Variants in MTA3 observed in about 807,000 individuals in gnomAD.
MTA3 encodes metastasis associated 1 family member 3, also known as metastasis-associated protein MTA3.
MTA3 carries 34 observed loss-of-function variants against 83.5 expected under a neutral mutation model. The ratio of observed to expected loss-of-function variants is 0.41; its 90% confidence interval spans 0.31 to 0.54. The LOEUF (loss-of-function observed/expected upper bound fraction) is 0.54, where lower values mean the gene tolerates loss of function less well. Among genes scored for constraint, MTA3 ranks in the 20% least tolerant of loss-of-function variants. MTA3 has a pLI of 0.33. For synonymous variants in MTA3, 303 were observed against 252.7 expected (o/e 1.20, Z -1.89); for missense variants, 761 against 726.4 (o/e 1.05, Z -0.55).
intron 2 of MTA3, among the ~76,000 whole-genome samples, chr2:42,514,713 A>C (rs1263226631): frequency 9.7e-5 from 3 of 30,988 alleles, no homozygotes; most frequent in African/African-American, 4.6e-4. Flanking sequence ...TTTTTGAGAC[A>C]GGGTCTCACT....
chr2:42,752,405 C>A, intron 16 of MTA3: 1 of 378,078 alleles, frequency 2.6e-6, no homozygotes, highest in South Asian at 1.9e-5. Flanking sequence ...ACCCCACTTC[C>A]CTCCTAGCCA....
intron 2 of MTA3, among the ~76,000 whole-genome samples, chr2:42,503,514 T>A (rs1260474162): frequency 1.3e-5 from 2 of 152,204 alleles, no homozygotes; most frequent in African/African-American, 2.4e-5. Flanking sequence ...TCCTATTTAT[T>A]CAAGATGGAG....
intron 2 of MTA3, among the ~76,000 whole-genome samples, chr2:42,560,632 C>T (rs946276330): frequency 2.6e-5 from 4 of 151,040 alleles, no homozygotes; most frequent in African/African-American, 9.8e-5. Context: ...GGGCGTGGCA[C>T]GGTGGCTCAC....
chr2:42,499,857 G>A (rs1364341843), intron 2 of MTA3, among the ~76,000 whole-genome samples: 1 of 151,910 alleles, frequency 6.6e-6, no homozygotes, highest in Admixed American at 6.6e-5. Context: ...TGTGATGACA[G>A]TTTCAAAAGT....
chr2:42,522,490 T>G (rs938060835), intron 2 of MTA3, among the ~76,000 whole-genome samples: 1 of 152,128 alleles, frequency 6.6e-6, no homozygotes, highest in African/African-American at 2.4e-5. Flanking sequence ...GACACACGCT[T>G]CTGGCTTAGG....
Position 42,753,770 on chromosome 2 carries a change from C to T in MTA3, c.*371C>T. ...GCTGCAAGCTCAGAGCCGCTGCCAC[C>T]CTGCATGTGTCCGCTCAGCTCGGTC... On this transcript the variant is annotated 3_prime_UTR_variant, in exon 17 of 17. Transcript: ENST00000405094. 1 of 1,129,300 alleles carries T rather than the reference C, an allele frequency of 8.9e-7. No homozygotes were observed. Among genetic ancestry groups the T allele is most frequent in the Non-Finnish European group, 1.1e-6 (1 of 915,268 alleles). The allele number at this position is 1,129,300 out of a possible 1,614,324, so 70.0% of individuals were successfully genotyped here. A position where few individuals can be genotyped will look rare whatever the true frequency, so the allele number is the denominator to read the frequency against.
At chr2:42,715,105 T>G (rs879241439) in intron 14 of MTA3, among the ~76,000 whole-genome samples, 1 of 152,192 alleles carries the variant, frequency 6.6e-6, no homozygotes, top group Admixed American at 6.5e-5. Context: ...TTGCTTTCAT[T>G]ATCTGTGACT....
Position 42,754,547 on chromosome 2 carries a change from C to A in MTA3, c.*1148C>A. On this transcript the variant is annotated 3_prime_UTR_variant, in exon 17 of 17. Coordinates refer to ENST00000405094, the MANE Select transcript of MTA3 (RefSeq NM_001330442.2). The stretch of plus-strand genomic sequence containing the variant: ...TGAGTAGCTGTGCTACTTGTGCTGG[C>A]AGCTGCAAGGATAGGAATAGCTCAG... The A allele has an allele frequency of 1.0e-6, 1 of 985,450 alleles. No individual in the cohort carries two copies. Among genetic ancestry groups the A allele is most frequent in the Non-Finnish European group, 1.2e-6 (1 of 829,956 alleles). The allele number at this position is 985,450 out of a possible 1,614,324, so 61.0% of individuals were successfully genotyped here.
intron 16 of MTA3, among the ~76,000 whole-genome samples, chr2:42,739,522 C>T (rs1036721839): frequency 1.3e-5 from 2 of 150,964 alleles, no homozygotes; most frequent in Admixed American, 6.6e-5. Flanking sequence ...GGTCTTGCCT[C>T]AATGTTGATG....
At chr2:42,508,828 T>C (rs1198980043) in intron 2 of MTA3, among the ~76,000 whole-genome samples, 1 of 146,746 alleles carries the variant, frequency 6.8e-6, no homozygotes, top group Non-Finnish European at 1.5e-5. Context: ...ATATATATGA[T>C]ATATAATATT....
intron 3 of MTA3, among the ~76,000 whole-genome samples, chr2:42,603,996 G>A (rs773834347): frequency 3.3e-5 from 5 of 152,206 alleles, no homozygotes; most frequent in Non-Finnish European, 5.9e-5. Context: ...TGATCCGCCT[G>A]CCTCGGTCTC....
intron 14 of MTA3, among the ~76,000 whole-genome samples, chr2:42,710,549 C>CAAA (rs765315082): frequency 9.5e-3 from 577 of 60,814 alleles, no homozygotes; most frequent in East Asian, 0.016. Flanking sequence ...AACTTCATCT[C>CAAA]AAAAAAAAAA....
intron 2 of MTA3, among the ~76,000 whole-genome samples, chr2:42,519,489 C>G (rs1381452943): frequency 1.3e-5 from 2 of 151,694 alleles, no homozygotes; most frequent in African/African-American, 4.8e-5. Flanking sequence ...GCCTGTAGTC[C>G]CAACTACTTG....
rs984097649 is a variant in MTA3 at position 42,755,354 on chromosome 2, A to C, written c.*1955A>C. On this transcript the variant is annotated 3_prime_UTR_variant, in exon 17 of 17. Transcript: ENST00000405094. ...AGCTTCATTTTCTCTGCCTTTTGGG[A>C]GAGGCCCTCTCACCCAGGCCCAAGA... is the stretch of plus-strand genomic sequence containing the variant. The C allele has an allele frequency of 1.0e-6, 1 of 985,474 alleles. No individual in the cohort carries two copies. The highest frequency in any genetic ancestry group is 1.2e-6 in the Non-Finnish European group (1 of 829,982). The allele number at this position is 985,474 out of a possible 1,614,324, so 61.0% of individuals were successfully genotyped here.
In MTA3 at chr2:42,672,645, CAAAAAAAAAAAAAAAAAA is replaced by C. The variant is rs5830734; in HGVS notation, c.703-9744_703-9727del. ...GGGTCACAGAGCAAGATTCCATCTCCAAAAAAAAAAAAAAAAAAAAAAAAAAAAAGTAATCAAAAGGTG... is the reference window on the plus strand; with the variant it reads ...GGGTCACAGAGCAAGATTCCATCTCCAAAAAAAAAAAGTAATCAAAAGGTG... On this transcript the variant is annotated intron_variant, in intron 8 of 16. Coordinates refer to ENST00000405094, the MANE Select transcript of MTA3 (RefSeq NM_001330442.2). Among the ~76,000 whole-genome samples, 7 of 51,566 alleles carry C rather than the reference CAAAAAAAAAAAAAAAAAA, an allele frequency of 1.4e-4. No individual in the cohort carries two copies. In the South Asian group the frequency reaches 9.0e-3, roughly 66 times the overall value. 33.8% of individuals were successfully genotyped at this position (51,566 alleles called of 152,430 possible).
At chr2:42,656,156 T>C in intron 6 of MTA3, 44 bp from the exon 7 acceptor site, 1 of 1,397,580 alleles carries the variant, frequency 7.2e-7, no homozygotes. Flanking sequence ...TGAGACAGTA[T>C]GCCTTGTCAG....
intron 2 of MTA3, among the ~76,000 whole-genome samples, chr2:42,538,312 A>G (rs2103739817): frequency 6.6e-6 from 1 of 152,258 alleles, no homozygotes; most frequent in East Asian, 1.9e-4. Context: ...ATATTGGCCA[A>G]TCGGTAAGTA....
intron 8 of MTA3, among the ~76,000 whole-genome samples, chr2:42,664,698 A>G (rs1253014867): frequency 6.6e-6 from 1 of 152,002 alleles, no homozygotes; most frequent in Non-Finnish European, 1.5e-5. Context: ...TAGGTGATCA[A>G]ACCTTGGATC....
intron 9 of MTA3, among the ~76,000 whole-genome samples, chr2:42,684,432 T>A (rs1692197491): frequency 6.6e-6 from 1 of 152,254 alleles, no homozygotes; most frequent in Non-Finnish European, 1.5e-5. Flanking sequence ...TTTGTTCTTC[T>A]GGCAAAACTT....
Sources: allele counts gnomAD v4.1 joint callset (sites outside exome capture counted in the v4.1 genomes callset), GRCh38; gene constraint gnomAD v4.1.1; transcripts MANE v1.5; gene names NCBI Gene and HGNC (gene_info 2026-07-23, HGNC 2026-07-21).